RALGAPA2: variants seen among roughly 807,000 people sequenced by gnomAD.
RALGAPA2 encodes ral GTPase-activating protein subunit alpha-2.
In RALGAPA2, 139 loss-of-function variants were observed where a neutral mutation model predicts 230.4. The ratio of observed to expected loss-of-function variants is 0.60; its 90% CI spans 0.53 to 0.69. The LOEUF is 0.69. Ranked by LOEUF, RALGAPA2 falls within the 30% of genes least tolerant of loss-of-function variation. The pLI, the probability that RALGAPA2 is intolerant of heterozygous loss-of-function variation, is 0.00. For missense variants in RALGAPA2, 2,163 were observed against 2,276.0 expected, an observed-to-expected ratio of 0.95 and a Z score of 1.01; for synonymous variants, 847 against 837.8, an observed-to-expected ratio of 1.01 and a Z score of -0.19.
intron 36 of RALGAPA2, 112 bp from the exon 37 acceptor site, chr20:20,473,068 A>G (rs2061575039): frequency 1.7e-6 from 2 of 1,166,426 alleles, no homozygotes. Flanking sequence ...GCTGTCACCC[A>G]CAGAGCAGAC....
intron 4 of RALGAPA2, among the ~76,000 whole-genome samples, chr20:20,648,231 CCAAA>C (rs2067281118): frequency 6.6e-6 from 1 of 151,890 alleles, no homozygotes; most frequent in South Asian, 2.1e-4. Flanking sequence ...GTGAAAAAAG[CCAAA>C]CAAAGAAGAG....
At chr20:20,456,535 T>C (rs1449599390) in intron 37 of RALGAPA2, among the ~76,000 whole-genome samples, 2 of 152,244 alleles carry the variant, frequency 1.3e-5, no homozygotes, top group Admixed American at 1.3e-4. Context: ...CAAATAGTTC[T>C]GAGACTTCCA....
At chr20:20,668,695 C>A (rs199772631) in intron 3 of RALGAPA2, among the ~76,000 whole-genome samples, 1 of 152,148 alleles carries the variant, frequency 6.6e-6, no homozygotes, top group East Asian at 1.9e-4. Context: ...GCACTTCCAG[C>A]AGGAGTTGCC....
At chr20:20,481,115 T>C (rs914074037) in intron 36 of RALGAPA2, among the ~76,000 whole-genome samples, 5 of 152,232 alleles carry the variant, frequency 3.3e-5, no homozygotes, top group Non-Finnish European at 7.3e-5. Flanking sequence ...CTTGGCAAGA[T>C]ACTGTGAAAG....
chr20:20,477,500 A>G (rs1002807028), intron 36 of RALGAPA2, among the ~76,000 whole-genome samples: 4 of 152,232 alleles, frequency 2.6e-5, no homozygotes, highest in African/African-American at 9.6e-5. Context: ...AAAAATTAAA[A>G]GAGTATTTTA....
At chr20:20,481,412 G>A (rs2061771864) in intron 36 of RALGAPA2, among the ~76,000 whole-genome samples, 1 of 152,198 alleles carries the variant, frequency 6.6e-6, no homozygotes, top group Non-Finnish European at 1.5e-5. Flanking sequence ...TATTGCCATG[G>A]ATGGGCCTAC....
chr20:20,654,086 A>AT (rs2067500333), intron 3 of RALGAPA2, among the ~76,000 whole-genome samples: 1 of 152,248 alleles, frequency 6.6e-6, no homozygotes, highest in Admixed American at 6.5e-5. Flanking sequence ...ATTTCATGAA[A>AT]TTAATGGCCA....
intron 37 of RALGAPA2, among the ~76,000 whole-genome samples, chr20:20,447,113 G>A (rs2060881792): frequency 1.3e-5 from 2 of 152,146 alleles, no homozygotes; most frequent in African/African-American, 4.8e-5. Context: ...AGATAAAAGT[G>A]GTTTGAGTCT....
chr20:20,528,690 C>T (rs1256813332), intron 27 of RALGAPA2, among the ~76,000 whole-genome samples: 3 of 152,188 alleles, frequency 2.0e-5, no homozygotes, highest in African/African-American at 7.2e-5. Flanking sequence ...AACCAGCCAA[C>T]CAACACCTTG....
chr20:20,399,213 G>C (rs1424091356), intron 38 of RALGAPA2, among the ~76,000 whole-genome samples: 1 of 152,106 alleles, frequency 6.6e-6, no homozygotes, highest in Non-Finnish European at 1.5e-5. Context: ...TGGGTGTGGT[G>C]GTGGGCACCT....
At chr20:20,667,753 G>C (rs952403825) in intron 3 of RALGAPA2, among the ~76,000 whole-genome samples, 14 of 152,166 alleles carry the variant, frequency 9.2e-5, no homozygotes, top group Non-Finnish European at 1.5e-4. Context: ...TCTTGAAGGG[G>C]AAACAGATGG....
chr20:20,503,624 G>T, intron 34 of RALGAPA2, 118 bp from the exon 35 acceptor site: 1 of 814,546 alleles, frequency 1.2e-6, no homozygotes, highest in Non-Finnish European at 1.7e-6. Flanking sequence ...CTTTCTTTCT[G>T]ATTACAAACA....
chr20:20,545,346 C>T (rs576919920), intron 24 of RALGAPA2, among the ~76,000 whole-genome samples: 1 of 152,206 alleles, frequency 6.6e-6, no homozygotes, highest in African/African-American at 2.4e-5. Flanking sequence ...TGTGACTATA[C>T]ATACGCCACC....
chr20:20,478,946 A>G (rs2061712595), intron 36 of RALGAPA2, among the ~76,000 whole-genome samples: 1 of 152,178 alleles, frequency 6.6e-6, no homozygotes. Context: ...AAAAAAAAGC[A>G]CAACTAAATA....
intron 37 of RALGAPA2, among the ~76,000 whole-genome samples, chr20:20,439,556 A>G (rs1403184238): frequency 6.6e-6 from 1 of 152,116 alleles, no homozygotes; most frequent in African/African-American, 2.4e-5. Context: ...GAGACTAAAT[A>G]CCCAACAGGA....
intron 35 of RALGAPA2, among the ~76,000 whole-genome samples, chr20:20,499,706 C>T (rs900753938): frequency 2.0e-5 from 3 of 152,168 alleles, no homozygotes; most frequent in African/African-American, 7.2e-5. Context: ...TTATAGCATG[C>T]TGGGGCAGGA....
At chr20:20,709,479 A>C (rs780554787) in intron 1 of RALGAPA2, among the ~76,000 whole-genome samples, 1 of 152,182 alleles carries the variant, frequency 6.6e-6, no homozygotes, top group Non-Finnish European at 1.5e-5. Flanking sequence ...CAACAGAGCA[A>C]AGATCCTGTT....
intron 14 of RALGAPA2, among the ~76,000 whole-genome samples, chr20:20,607,006 T>A (rs573061897): frequency 6.6e-6 from 1 of 152,338 alleles, no homozygotes; most frequent in African/African-American, 2.4e-5. Context: ...CCAAAGTCTA[T>A]GTAAGTCCCA....
intron 37 of RALGAPA2, among the ~76,000 whole-genome samples, chr20:20,413,675 C>T (rs1792995705): frequency 6.6e-6 from 1 of 152,226 alleles, no homozygotes; most frequent in Non-Finnish European, 1.5e-5. Flanking sequence ...CACTACTGGA[C>T]AGCGTGCTGC....
Sources: allele counts gnomAD v4.1 joint callset (sites outside exome capture counted in the v4.1 genomes callset), GRCh38; gene constraint gnomAD v4.1.1; transcripts MANE v1.5; gene names NCBI Gene and HGNC (gene_info 2026-07-23, HGNC 2026-07-21).